The following DHRS12 variants were observed in gnomAD, a reference collection of about 807,000 sequenced individuals.
The protein encoded by DHRS12 is dehydrogenase/reductase SDR family member 12.
A neutral mutation model predicts 32.1 loss-of-function variants in DHRS12; 29 were observed. That is an observed-to-expected ratio of 0.90 (90% CI 0.67 to 1.23). DHRS12 has a LOEUF of 1.23. Among genes scored for constraint, DHRS12 ranks in the 50% most tolerant of loss-of-function variants. The pLI, the probability that DHRS12 is intolerant of heterozygous loss-of-function variation, is 0.00. For missense variants in DHRS12, 330 were observed against 337.2 expected (o/e 0.98, Z 0.17); for synonymous variants, 150 against 135.9 (o/e 1.10, Z -0.72).
intron 2 of DHRS12, among the ~76,000 whole-genome samples, chr13:51,797,245 C>T (rs1461081713): frequency 5.9e-5 from 9 of 152,204 alleles, no homozygotes; most frequent in Non-Finnish European, 1.3e-4. Context: ...GTTTAATGTC[C>T]TGCCTTTGTT....
At chr13:51,801,379 G>T (rs1458532535) in intron 1 of DHRS12, among the ~76,000 whole-genome samples, 1 of 152,094 alleles carries the variant, frequency 6.6e-6, no homozygotes, top group Admixed American at 6.5e-5. Context: ...GTAGAGATGG[G>T]TTTTCACCAT....
chr13:51,790,181 G>A, intron 3 of DHRS12, 89 bp from the exon 4 acceptor site: 1 of 964,716 alleles, frequency 1.0e-6, no homozygotes, highest in Non-Finnish European at 1.5e-6. Flanking sequence ...CCCACCCCCA[G>A]CTCTTTTTCA....
chr13:51,781,354 A>T (rs1954695098), intron 4 of DHRS12, among the ~76,000 whole-genome samples: 1 of 152,066 alleles, frequency 6.6e-6, no homozygotes, highest in Admixed American at 6.5e-5. Flanking sequence ...CCGCCACCTT[A>T]TCCAGTTCCA....
chr13:51,789,235 A>AC (rs904644507), intron 4 of DHRS12, among the ~76,000 whole-genome samples: 59 of 151,832 alleles, frequency 3.9e-4, no homozygotes, highest in African/African-American at 1.4e-3. Flanking sequence ...TAATTAAAAC[A>AC]CCCCCCTCAC....
the DHRS12 span, chr13:51,755,482 C>T: frequency 1.9e-6 from 3 of 1,600,764 alleles, no homozygotes; most frequent in Non-Finnish European, 2.6e-6. Context: ...GATGCTTCAT[C>T]AAAATGTAAT....
At chr13:51,774,452 TACATGTATTCTCCTACA>T (rs1954248608) in intron 5 of DHRS12, 1 of 94,362 alleles carries the variant, frequency 1.1e-5, no homozygotes, top group Non-Finnish European at 2.0e-5. Flanking sequence ...TCTCCTACAG[TACATGTATTCTCCTACA>T]GTATTCTCCT....
chr13:51,802,210 C>G (rs1955792407), intron 1 of DHRS12, among the ~76,000 whole-genome samples: 2 of 102,074 alleles, frequency 2.0e-5, no homozygotes, highest in South Asian at 6.5e-4. Flanking sequence ...CACACACACA[C>G]ACACACACGA....
chr13:51,785,754 A>G (rs1954925312), intron 4 of DHRS12, among the ~76,000 whole-genome samples: 1 of 152,238 alleles, frequency 6.6e-6, no homozygotes, highest in Admixed American at 6.5e-5. Flanking sequence ...CATGCTTATC[A>G]TTGTACACCC....
intron 1 of DHRS12, 105 bp from the exon 2 acceptor site, chr13:51,799,772 C>T: frequency 7.3e-7 from 1 of 1,368,898 alleles, no homozygotes. Context: ...CTGTCTCCGC[C>T]TCTCCCAACA....
intron 7 of DHRS12, chr13:51,770,990 T>C: frequency 7.2e-7 from 1 of 1,380,040 alleles, no homozygotes; most frequent in Non-Finnish European, 9.4e-7. Flanking sequence ...TGATAAATAG[T>C]GATTTTCAGA....
rs1302257458 is a variant in DHRS12 at position 51,790,109 on chromosome 13, T to C, written c.220-17A>G. 3.8e-6 allele frequency: 6 copies of C among 1,560,910 alleles called. No individual in the cohort carries two copies. Among genetic ancestry groups the C allele is most frequent in the East Asian group, 4.7e-5 (2 of 42,288 alleles). On this transcript the variant is annotated splice_polypyrimidine_tract_variant and intron_variant, in intron 3 of 8. Coordinates refer to ENST00000444610, the MANE Select transcript of DHRS12 (RefSeq NM_001377533.1). Reference sequence around the variant, plus strand: ...ATTATTGATCTAAAATTTATAGTTCTCATTTCAAAATAAAGAAAAATAGGG... The same window carrying C: ...ATTATTGATCTAAAATTTATAGTTCCCATTTCAAAATAAAGAAAAATAGGG...
intron 4 of DHRS12, chr13:51,789,491 A>T (rs1475766110): frequency 1.0e-6 from 1 of 957,610 alleles, no homozygotes; most frequent in African/African-American, 1.8e-5. Flanking sequence ...CATGTCTATC[A>T]AGTTCCCAGG....
At chr13:51,765,081 G>T (rs1953707248), downstream of DHRS12, 1 of 152,182 alleles carries the variant, frequency 6.6e-6, no homozygotes, top group African/African-American at 2.4e-5. Flanking sequence ...GGAAGGCAGA[G>T]AGTTTCGTCA....
chr13:51,762,840 G>A, the DHRS12 span: 1 of 152,220 alleles, frequency 6.6e-6, no homozygotes, highest in African/African-American at 2.4e-5. Flanking sequence ...CATACGCAGA[G>A]TTGTTCTCTA....
chr13:51,782,558 A>G lies in DHRS12; in HGVS notation c.302-5437T>C, dbSNP rs375444007. ...ATGAGAGTGGCCAAAGGTCAGGGAG[A>G]TAAGCCGACTGGAGTGAGCTGCAGG... On this transcript the variant is annotated intron_variant, in intron 4 of 8. Coordinates refer to ENST00000444610, the MANE Select transcript of DHRS12 (RefSeq NM_001377533.1). This position sits in a 1 kb window ranked among gnomAD's most constrained non-coding sequence, Gnocchi z 4.2. 6.6e-6 allele frequency among the ~76,000 whole-genome samples: 1 copy of G among 152,146 alleles called. No individual in the cohort carries two copies. Among genetic ancestry groups the G allele is most frequent in the African/African-American group, 2.4e-5 (1 of 41,424 alleles).
At chr13:51,790,146 A>G (rs935773667) in intron 3 of DHRS12, 54 bp from the exon 4 acceptor site, 17 of 1,446,378 alleles carry the variant, frequency 1.2e-5, no homozygotes, top group Non-Finnish European at 1.5e-5. Context: ...CAAAAGACCT[A>G]TTTCCATCCC....
intron 4 of DHRS12, among the ~76,000 whole-genome samples, chr13:51,788,965 C>T (rs1446410128): frequency 1.3e-5 from 2 of 152,102 alleles, no homozygotes; most frequent in East Asian, 1.9e-4. Context: ...AAGGGGAGTC[C>T]CCGGTGACCA....
intron 1 of DHRS12, among the ~76,000 whole-genome samples, chr13:51,803,238 G>A (rs1955840109): frequency 6.6e-6 from 1 of 152,212 alleles, no homozygotes; most frequent in Admixed American, 6.5e-5. Flanking sequence ...AGTGCAGGGA[G>A]AAGCCTCTCA....
In DHRS12 at chr13:51,782,432, G is replaced by A. The variant is rs550974209; in HGVS notation, c.302-5311C>T. On this transcript the variant is annotated intron_variant, in intron 4 of 8. Coordinates refer to ENST00000444610, the MANE Select transcript of DHRS12 (RefSeq NM_001377533.1). The surrounding 1 kb of genome is among the most constrained non-coding windows in gnomAD (Gnocchi z 4.2). Reference sequence around the variant, plus strand: ...AATCACAGGTGGCTTGGAGGCCATCGCGCTATGGGAGCACGGACAGCTGTG... The same window carrying A: ...AATCACAGGTGGCTTGGAGGCCATCACGCTATGGGAGCACGGACAGCTGTG... Among the ~76,000 whole-genome samples, 37 of 152,292 alleles carry A rather than the reference G, an allele frequency of 2.4e-4. No individual in the cohort carries two copies. The highest frequency in any genetic ancestry group is 7.2e-4 in the African/African-American group (30 of 41,556).
Sources: gnomAD v4.1 joint callset for allele counts (sites outside exome capture counted in the v4.1 genomes callset) on GRCh38, gnomAD v4.1.1 for gene constraint, Gnocchi (gnomAD v3.1) non-coding constraint, MANE v1.5 for transcripts, NCBI Gene and HGNC (gene_info 2026-07-23, HGNC 2026-07-21) for gene names.